Variants in DEPDC5 observed in about 807,000 individuals in gnomAD.
The protein encoded by DEPDC5 is GATOR1 complex protein DEPDC5.
DEPDC5 carries 73 observed loss-of-function variants against 217.3 expected under a neutral mutation model. That is an observed-to-expected ratio of 0.34 (90% CI 0.28 to 0.41). The LOEUF (loss-of-function observed/expected upper bound fraction) is 0.41. DEPDC5 is among the 10% of genes least tolerant of loss of function. DEPDC5 has a pLI of 1.00. For missense variants in DEPDC5, 1,675 were observed against 2,070.1 expected (o/e 0.81, Z 3.70); for synonymous variants, 733 against 756.7 (o/e 0.97, Z 0.51).
chr22:31,770,944 G>A (rs929973998), intron 7 of DEPDC5, among the ~76,000 whole-genome samples: 1 of 150,674 alleles, frequency 6.6e-6, no homozygotes, highest in South Asian at 2.1e-4. Flanking sequence ...CACCATGCCC[G>A]GCTAATTTTT....
In DEPDC5 at chr22:31,801,777, G is replaced by A. The variant is rs192092842; in HGVS notation, c.947-927G>A. On this transcript the variant is annotated intron_variant, in intron 14 of 42. Coordinates refer to ENST00000651528, the MANE Select transcript of DEPDC5 (RefSeq NM_001242896.3). ...TGGCCAGAGGTGGAAGTGATGATACGCGTACACATCACTATGTATATCATC... is the reference window on the plus strand; with the variant it reads ...TGGCCAGAGGTGGAAGTGATGATACACGTACACATCACTATGTATATCATC... Among the ~76,000 whole-genome samples the A allele has an allele frequency of 2.4e-3, 367 of 152,182 alleles. 3 individuals carry two copies. The highest frequency in any genetic ancestry group is 8.1e-3 in the African/African-American group (337 of 41,520).
Position 31,849,420 on chromosome 22 carries a change from C to T in DEPDC5, c.3155+2453C>T, listed in dbSNP as rs142644731. ...ATCATGGTGGAAGGGGAAGCAAACACGTGCTTCTTCACGTGGCAGCAGCAA... is the reference window on the plus strand; with the variant it reads ...ATCATGGTGGAAGGGGAAGCAAACATGTGCTTCTTCACGTGGCAGCAGCAA... On this transcript the variant is annotated intron_variant, in intron 31 of 42. Coordinates refer to ENST00000651528, the MANE Select transcript of DEPDC5 (RefSeq NM_001242896.3). Among the ~76,000 whole-genome samples, 359 of 152,164 alleles carry T rather than the reference C, an allele frequency of 2.4e-3. 2 individuals are homozygous for T. The highest frequency in any genetic ancestry group is 0.01 in the Middle Eastern group (3 of 294).
At chr22:31,822,426 G>A (rs1346205136) in intron 23 of DEPDC5, among the ~76,000 whole-genome samples, 2 of 151,888 alleles carry the variant, frequency 1.3e-5, no homozygotes, top group Non-Finnish European at 2.9e-5. Context: ...GGCATAGGGA[G>A]GCATAGGGCA....
chr22:31,880,874 A>C (rs2093154228), intron 38 of DEPDC5, among the ~76,000 whole-genome samples: 1 of 152,038 alleles, frequency 6.6e-6, no homozygotes, highest in Admixed American at 6.6e-5. Flanking sequence ...AATACAAAAA[A>C]TTAGCCAGGC....
At chr22:31,892,480 TTGAGA>T (rs2093457642) in intron 38 of DEPDC5, among the ~76,000 whole-genome samples, 1 of 152,166 alleles carries the variant, frequency 6.6e-6, no homozygotes, top group Non-Finnish European at 1.5e-5. Flanking sequence ...GGTCAGGAGT[TTGAGA>T]CCAGCCTGGC....
intron 39 of DEPDC5, chr22:31,894,856 G>GA (rs528792767): frequency 8.2e-4 from 112 of 136,924 alleles, no homozygotes; most frequent in African/African-American, 1.7e-3. Context: ...AAAAAAAAAG[G>GA]AAAAAAAAAA....
At chr22:31,866,602 T>A (rs1206302395) in intron 33 of DEPDC5, among the ~76,000 whole-genome samples, 1 of 152,172 alleles carries the variant, frequency 6.6e-6, no homozygotes, top group Non-Finnish European at 1.5e-5. Context: ...GCCAGGATGG[T>A]CTCCATCTCC....
intron 7 of DEPDC5, among the ~76,000 whole-genome samples, chr22:31,776,705 C>G (rs1862708767): frequency 6.7e-6 from 1 of 149,674 alleles, no homozygotes. Context: ...TCCTGAGAAG[C>G]TGAGATTATA....
intron 38 of DEPDC5, among the ~76,000 whole-genome samples, chr22:31,888,255 T>TG (rs2093362119): frequency 7.0e-6 from 1 of 142,144 alleles, no homozygotes; most frequent in Non-Finnish European, 1.5e-5. Context: ...TTTTTTTTTT[T>TG]TTTTTTTTTT....
At chr22:31,819,863 A>T (rs74641231) in intron 22 of DEPDC5, among the ~76,000 whole-genome samples, 5,186 of 151,890 alleles carry the variant, frequency 0.034, 139 homozygotes, top group African/African-American at 0.072. Context: ...CTTCTCTTAG[A>T]TCTCTTGGAT....
intron 10 of DEPDC5, 33 bp downstream of exon 10, chr22:31,784,908 T>G: frequency 6.3e-7 from 1 of 1,580,646 alleles, no homozygotes; most frequent in Non-Finnish European, 8.7e-7. Context: ...AGTCTCATTA[T>G]GTAAACATTA....
rs558139473 is a variant in DEPDC5, at chr22:31,766,047, A to G, written c.280-538A>G. 2.0e-5 allele frequency among the ~76,000 whole-genome samples: 3 copies of G among 152,218 alleles called. No homozygotes were observed. In the South Asian group the frequency reaches 6.2e-4, roughly 32 times the overall value. On this transcript the variant is annotated intron_variant, in intron 5 of 42. Transcript: ENST00000651528. Reference sequence around the variant, plus strand: ...CTCAAAAAATAATAATAACTAAATAAATATGTAGCCTACATGTCATTTAGA... The same window carrying G: ...CTCAAAAAATAATAATAACTAAATAGATATGTAGCCTACATGTCATTTAGA...
intron 40 of DEPDC5, 100 bp downstream of exon 40, chr22:31,897,753 G>T: frequency 1.4e-6 from 2 of 1,408,664 alleles, no homozygotes; most frequent in South Asian, 1.4e-5. Flanking sequence ...CTAGGGAAAA[G>T]GGACAGCCTT....
intron 14 of DEPDC5, among the ~76,000 whole-genome samples, chr22:31,800,546 G>T (rs551269805): frequency 2.0e-5 from 3 of 151,946 alleles, no homozygotes; most frequent in African/African-American, 7.2e-5. Flanking sequence ...ATCTTCCTTG[G>T]GTTCTTTGAC....
At chr22:31,786,188 G>A (rs868058185) in intron 10 of DEPDC5, among the ~76,000 whole-genome samples, 2 of 151,680 alleles carry the variant, frequency 1.3e-5, no homozygotes, top group South Asian at 2.1e-4. Flanking sequence ...CCTGGGAGGC[G>A]GAGGTTGCAG....
In DEPDC5 at chr22:31,901,167, C is replaced by T. The variant is rs12627822; in HGVS notation, c.4376-575C>T. Among the ~76,000 whole-genome samples the T allele has an allele frequency of 3.0e-4, 45 of 151,234 alleles. No homozygotes were observed. In the East Asian group the frequency reaches 6.9e-3, roughly 23 times the overall value. ...CTGAGGCATGAGAATCACTTGAACC[C>T]GGCAGGCCGAGGTTGCAGTGAGCCA... On this transcript the variant is annotated intron_variant, in intron 40 of 42. Transcript: ENST00000651528.
intron 33 of DEPDC5, among the ~76,000 whole-genome samples, chr22:31,863,061 G>T (rs1420186452): frequency 6.6e-6 from 1 of 152,116 alleles, no homozygotes; most frequent in Non-Finnish European, 1.5e-5. Context: ...TGTTGCCCAG[G>T]CTGGTCAACT....
In DEPDC5 at chr22:31,844,752, C is replaced by T. The variant is rs903619040; in HGVS notation, c.2802-266C>T. 38 of 287,628 alleles carry T rather than the reference C, an allele frequency of 1.3e-4. No homozygotes were observed. The East Asian group carries it at 2.7e-3, about 20-fold the overall frequency. The allele number at this position is 287,628 out of a possible 1,614,324, so 17.8% of individuals were successfully genotyped here. A position where few individuals can be genotyped will look rare whatever the true frequency, so the allele number is the denominator to read the frequency against. On this transcript the variant is annotated intron_variant, in intron 29 of 42. Transcript: ENST00000651528. ...TTGAGACAAGGTGGAGATGGGGTCT[C>T]GCCATGTTCCCCAAGCTGGTCTCAA...
At chr22:31,857,633 G>A in intron 32 of DEPDC5, 80 bp downstream of exon 32, 1 of 1,211,324 alleles carries the variant, frequency 8.3e-7, no homozygotes, top group Non-Finnish European at 1.2e-6. Flanking sequence ...TCGCCCTTCA[G>A]ATCCGGGATT....
Sources: gnomAD v4.1 joint callset for allele counts (sites outside exome capture counted in the v4.1 genomes callset) on GRCh38, gnomAD v4.1.1 for gene constraint, MANE v1.5 for transcripts, NCBI Gene and HGNC (gene_info 2026-07-23, HGNC 2026-07-21) for gene names.